Variants in CPHXL observed in about 807,000 individuals in gnomAD.
CPHXL encodes the protein cytoplasmic polyadenylated homeobox-like protein.
At chr16:75,725,598 G>T (rs866990741) in intron 1 of CPHXL, among the ~76,000 whole-genome samples, 1 of 151,570 alleles carries the variant, frequency 6.6e-6, no homozygotes, top group South Asian at 2.1e-4. Context: ...GACTACAGGC[G>T]CCCGCCACCA....
At chr16:75,719,552 G>T (rs1053518532) in intron 1 of CPHXL, among the ~76,000 whole-genome samples, 3 of 151,920 alleles carry the variant, frequency 2.0e-5, no homozygotes, top group African/African-American at 7.3e-5. Context: ...AGCGAGCCTG[G>T]AGGAGGGGCG....
chr16:75,723,780 G>A (rs1597223058), intron 1 of CPHXL, among the ~76,000 whole-genome samples: 2 of 152,078 alleles, frequency 1.3e-5, no homozygotes, highest in South Asian at 2.1e-4. Flanking sequence ...CCAAAAAAGA[G>A]CCCACATTGC....
chr16:75,716,593 C>T (rs887848659), intron 2 of CPHXL, among the ~76,000 whole-genome samples: 4 of 152,186 alleles, frequency 2.6e-5, no homozygotes, highest in East Asian at 3.8e-4. Flanking sequence ...AACTTCCACA[C>T]GTTCAAGTAT....
intron 2 of CPHXL, among the ~76,000 whole-genome samples, chr16:75,717,145 T>A (rs1003659496): frequency 2.0e-5 from 3 of 152,168 alleles, no homozygotes; most frequent in Non-Finnish European, 4.4e-5. Context: ...TACAGTCTCA[T>A]TAGTACCATC....
intron 1 of CPHXL, among the ~76,000 whole-genome samples, chr16:75,724,413 CA>C (rs1406568214): frequency 1.4e-4 from 22 of 152,084 alleles, no homozygotes; most frequent in African/African-American, 4.8e-4. Flanking sequence ...ACAATGAACT[CA>C]AACAAATTTA....
At chr16:75,723,094 T>C (rs563148728) in intron 1 of CPHXL, among the ~76,000 whole-genome samples, 152 of 152,296 alleles carry the variant, frequency 1.0e-3, no homozygotes, top group African/African-American at 3.5e-3. Flanking sequence ...ATTGATGGGA[T>C]GTATCTCAAA....
chr16:75,716,099 G>C (rs1471312021), intron 2 of CPHXL, among the ~76,000 whole-genome samples: 2 of 150,146 alleles, frequency 1.3e-5, no homozygotes. Context: ...CCATCTATTT[G>C]TTGTATGACT....
At chr16:75,725,311 GAC>G (rs1006075674) in intron 1 of CPHXL, among the ~76,000 whole-genome samples, 2 of 151,896 alleles carry the variant, frequency 1.3e-5, no homozygotes, top group Non-Finnish European at 2.9e-5. Flanking sequence ...TTATTTTTGA[GAC>G]AGTCTCCCTC....
At position 75,725,931 on chromosome 16, in the gene CPHXL, A is replaced by G. The variant is rs368223177; in HGVS notation, c.25+487T>C. The stretch of plus-strand genomic sequence containing the variant: ...CTAAATTGGATAAACACTTAAATGT[A>G]CATATTAGAAAATTATAATCGATGA... On this transcript the variant is annotated intron_variant, in intron 1 of 2. Coordinates refer to ENST00000640559, the MANE Select transcript of CPHXL (RefSeq NM_001355613.1). Among the ~76,000 whole-genome samples, 88 of 152,082 alleles carry G rather than the reference A, an allele frequency of 5.8e-4. No individual in the cohort carries two copies. In the Middle Eastern group the frequency reaches 0.01, roughly 18 times the overall value.
intron 1 of CPHXL, among the ~76,000 whole-genome samples, chr16:75,722,311 C>CAAAAAT: frequency 6.6e-6 from 1 of 152,112 alleles, no homozygotes; most frequent in South Asian, 2.1e-4. Context: ...ATCAATGAAT[C>CAAAAAT]CAGGACCTGG....
At chr16:75,723,691 G>T (rs533793962) in intron 1 of CPHXL, among the ~76,000 whole-genome samples, 56 of 152,276 alleles carry the variant, frequency 3.7e-4, no homozygotes, top group African/African-American at 1.3e-3. Context: ...GTAATTTATA[G>T]ATTCAATGCC....
At chr16:75,721,643 G>C (rs373184981) in intron 1 of CPHXL, among the ~76,000 whole-genome samples, 56 of 152,162 alleles carry the variant, frequency 3.7e-4, no homozygotes, top group Admixed American at 2.6e-3. Context: ...GACTCCCACA[G>C]AATAATAATG....
rs778551228 is a variant in CPHXL, at chr16:75,718,294, T to G, written c.190A>C (p.Lys64Gln). ...DYTTRKTLAI[K>Q]FDCPVNVIDN... is the part of the protein sequence containing the mutation. The stretch of plus-strand genomic sequence containing the variant: ...ATCACATTTACCGGACAATCAAATT[T>G]GATGGCCAGTGTTTTCCTAGTTGTG... Residue 64 changes from lysine to glutamine, a missense_variant, in exon 2 of 3, where the codon AAA (lysine) becomes CAA (glutamine). Lys to Gln is a moderately conservative substitution (Grantham distance 53). Transcript: ENST00000640559. 1.1e-4 allele frequency: 42 copies of G among 398,746 alleles called. No individual in the cohort carries two copies. The highest frequency in any genetic ancestry group is 1.8e-4 in the Non-Finnish European group (40 of 226,214). The allele number at this position is 398,746 out of a possible 1,614,324, so 24.7% of individuals were successfully genotyped here.
intron 1 of CPHXL, among the ~76,000 whole-genome samples, chr16:75,720,432 C>T (rs188074659): frequency 4.2e-4 from 64 of 152,222 alleles, no homozygotes; most frequent in African/African-American, 6.3e-4. Flanking sequence ...CTGAAAACCA[C>T]GGCACGAGAA....
At chr16:75,724,760 C>T (rs1449206944) in intron 1 of CPHXL, among the ~76,000 whole-genome samples, 5 of 152,170 alleles carry the variant, frequency 3.3e-5, no homozygotes, top group Non-Finnish European at 5.9e-5. Flanking sequence ...TTTGACCCAG[C>T]CATCCCATTA....
rs946066610 is a variant in CPHXL at position 75,714,798 on chromosome 16, T to C, written c.644A>G (p.Glu215Gly). The change falls in exon 3 of 3, where the codon GAA becomes GGA. Residue 215 changes from glutamate (E) to glycine (G), a missense_variant. Coordinates refer to ENST00000640559, the MANE Select transcript of CPHXL (RefSeq NM_001355613.1). ...SQSSYLVTGTEKHPGCAMGYG... is the reference protein window; with the variant it reads ...SQSSYLVTGTGKHPGCAMGYG... Reference sequence around the variant, plus strand: ...CCCCATAGCACAGCCTGGATGCTTTTCAGTGCCTGTGACCAGATAGGAACT... The same window carrying C: ...CCCCATAGCACAGCCTGGATGCTTTCCAGTGCCTGTGACCAGATAGGAACT... The C allele has an allele frequency of 7.5e-5, 30 of 398,536 alleles. No individual in the cohort carries two copies. Among genetic ancestry groups the C allele is most frequent in the Non-Finnish European group, 1.2e-4 (28 of 226,086 alleles). The allele number at this position is 398,536 out of a possible 1,614,324, so 24.7% of individuals were successfully genotyped here.
chr16:75,723,662 A>G (rs1283106649), intron 1 of CPHXL, among the ~76,000 whole-genome samples: 2 of 152,238 alleles, frequency 1.3e-5, no homozygotes, highest in Non-Finnish European at 2.9e-5. Context: ...ATATCATAAA[A>G]ATGGCCATAC....
intron 2 of CPHXL, among the ~76,000 whole-genome samples, chr16:75,715,827 G>C (rs1959383061): frequency 6.6e-6 from 1 of 151,962 alleles, no homozygotes; most frequent in African/African-American, 2.4e-5. Flanking sequence ...CTCCCGAGTA[G>C]CTGGAATTAC....
chr16:75,726,483 A>G lies in CPHXL; in HGVS notation c.-41T>C. 1 of 398,514 alleles carries G rather than the reference A, an allele frequency of 2.5e-6. No individual in the cohort carries two copies. Among genetic ancestry groups the G allele is most frequent in the Non-Finnish European group, 4.4e-6 (1 of 225,984 alleles). 24.7% of individuals were successfully genotyped at this position (398,514 alleles called of 1,614,324 possible). Reference sequence around the variant, plus strand: ...CTGGACTTCACGGAGACCAGCAAGCAACTGAGATCAGCAAGCAACTGAGCA... The same window carrying G: ...CTGGACTTCACGGAGACCAGCAAGCGACTGAGATCAGCAAGCAACTGAGCA... On this transcript the variant is annotated 5_prime_UTR_variant, in exon 1 of 3. Transcript: ENST00000640559.
Sources: allele counts gnomAD v4.1 joint callset (sites outside exome capture counted in the v4.1 genomes callset), GRCh38; gene constraint gnomAD v4.1.1; transcripts MANE v1.5; gene names NCBI Gene and HGNC (gene_info 2026-07-23, HGNC 2026-07-21).